FAT4: variants seen among roughly 807,000 people sequenced by gnomAD.
The protein encoded by FAT4 is FAT atypical cadherin 4.
A neutral mutation model predicts 303.9 loss-of-function variants in FAT4; 84 were observed. The ratio of observed to expected loss-of-function variants is 0.28; its 90% confidence interval spans 0.23 to 0.33. The LOEUF is 0.33. FAT4 is among the 10% of genes least tolerant of loss of function. The pLI is 1.00. For synonymous variants in FAT4, 2,307 were observed against 2,298.8 expected, an observed-to-expected ratio of 1.00 and a Z score of -0.10; for missense variants, 6,005 against 6,146.8, an observed-to-expected ratio of 0.98 and a Z score of 0.77.
Position 125,448,950 on chromosome 4 carries a change from G to A in FAT4, c.7940G>A (p.Gly2647Asp). 6.2e-7 allele frequency: 1 copy of A among 1,613,740 alleles called. No homozygotes were observed. Among genetic ancestry groups the A allele is most frequent in the Non-Finnish European group, 8.5e-7 (1 of 1,179,906 alleles). ...YVVWIEARDGGFPPFSSYEKL... is the reference protein window; with the variant it reads ...YVVWIEARDGDFPPFSSYEKL... ...GTATGGATAGAGGCCAGAGACGGTG[G>A]TTTCCCTCCTTTCTCCTCTTACGAG... Residue 2647 changes from glycine to aspartate, a missense_variant, in exon 10 of 18, where the codon GGT (glycine) becomes GAT (aspartate). Gly to Asp is a moderately conservative substitution (Grantham distance 94). Transcript: ENST00000394329.
chr4:125,389,626 C>G (rs1197634386), intron 2 of FAT4, among the ~76,000 whole-genome samples: 6 of 152,106 alleles, frequency 3.9e-5, no homozygotes, highest in Non-Finnish European at 5.9e-5. Flanking sequence ...TCCCATATAG[C>G]TCTGGCCAGT....
At position 125,490,807 on chromosome 4, in the gene FAT4, A is replaced by C; in HGVS notation, c.13991A>C (p.Gln4664Pro). Residue 4664 changes from glutamine to proline, a missense_variant, in exon 18 of 18, where the codon CAA (glutamine) becomes CCA (proline). Gln to Pro is a moderately conservative substitution (Grantham distance 76). Coordinates refer to ENST00000394329, the MANE Select transcript of FAT4 (RefSeq NM_001291303.3). Reference protein sequence around the residue: ...QRHSPLGFARQSPMPLGASSL... With the variant: ...QRHSPLGFARPSPMPLGASSL... Reference sequence around the variant, plus strand: ...CACAGTCCCCTAGGCTTTGCAAGGCAATCCCCCATGCCCTTAGGAGCAAGC... The same window carrying C: ...CACAGTCCCCTAGGCTTTGCAAGGCCATCCCCCATGCCCTTAGGAGCAAGC... 6.2e-7 allele frequency: 1 copy of C among 1,614,132 alleles called. No homozygotes were observed.
At position 125,415,850 on chromosome 4, in the gene FAT4, C is replaced by T. The variant is rs576251661; in HGVS notation, c.6843+44C>T. Reference sequence around the variant, plus strand: ...AGCAAGTATTGTCTTAATTATAAGACATCTATTTGAAAACCTCCCCTCTTC... The same window carrying T: ...AGCAAGTATTGTCTTAATTATAAGATATCTATTTGAAAACCTCCCCTCTTC... On this transcript the variant is annotated intron_variant, in intron 6 of 17. Transcript: ENST00000394329. 41 of 1,442,378 alleles carry T rather than the reference C, an allele frequency of 2.8e-5. No individual in the cohort carries two copies. The Middle Eastern group carries it at 1.3e-3, about 45-fold the overall frequency. 89.3% of individuals were successfully genotyped at this position (1,442,378 alleles called of 1,614,324 possible). A position where few individuals can be genotyped will look rare whatever the true frequency, so the allele number is the denominator to read the frequency against.
chr4:125,395,304 C>T (rs1354272060), intron 2 of FAT4, among the ~76,000 whole-genome samples: 3 of 151,926 alleles, frequency 2.0e-5, no homozygotes. Flanking sequence ...TGAAGTTATT[C>T]ACTTTTCTTT....
rs1179069092 is a variant in FAT4 at position 125,449,544 on chromosome 4, T to C, written c.8534T>C (p.Ile2845Thr). 2.5e-6 allele frequency: 4 copies of C among 1,613,516 alleles called. No individual in the cohort carries two copies. In the South Asian group the frequency reaches 4.4e-5, roughly 18 times the overall value. The change falls in exon 10 of 18, where the codon ATT becomes ACT. Residue 2845 changes from isoleucine to threonine, a missense_variant. Physicochemically the swap from Ile to Thr is moderately conservative, Grantham distance 89 (BLOSUM62 -1). Coordinates refer to ENST00000394329, the MANE Select transcript of FAT4 (RefSeq NM_001291303.3). ...LNREDTDRYR[I>T]RVSAHDSGWT... is the part of the protein sequence containing the mutation. ...AGGGAAGATACAGACCGTTACAGAATTCGAGTTTCCGCACATGATTCTGGG... is the reference window on the plus strand; with the variant it reads ...AGGGAAGATACAGACCGTTACAGAACTCGAGTTTCCGCACATGATTCTGGG...
At chr4:125,341,776 G>A (rs1485739769) in intron 2 of FAT4, among the ~76,000 whole-genome samples, 1 of 151,992 alleles carries the variant, frequency 6.6e-6, no homozygotes, top group Non-Finnish European at 1.5e-5. Context: ...TGAAACATGT[G>A]CCTAGCCATC....
intron 2 of FAT4, among the ~76,000 whole-genome samples, chr4:125,332,765 C>CT (rs1005281403): frequency 1.3e-5 from 2 of 152,074 alleles, no homozygotes; most frequent in African/African-American, 4.8e-5. Context: ...GGAAAACTAT[C>CT]TATCTTTCGA....
intron 2 of FAT4, among the ~76,000 whole-genome samples, chr4:125,351,279 C>A (rs1007649465): frequency 1.3e-5 from 2 of 151,666 alleles, no homozygotes; most frequent in African/African-American, 4.8e-5. Flanking sequence ...AACAATAGAA[C>A]AATTACTGAT....
In FAT4 at chr4:125,468,660, C is replaced by G. The variant is rs1468989337; in HGVS notation, c.12054C>G (p.Asp4018Glu). Residue 4018 changes from aspartate (D) to glutamate (E), a missense_variant, in exon 12 of 18, where the codon GAC becomes GAG. Coordinates refer to ENST00000394329, the MANE Select transcript of FAT4 (RefSeq NM_001291303.3). ...ATGCCTTATTGCTTTACAACTATGA[C>G]AACCAGACAGGCGACCGGGCTGAGT... ...KSHALLLYNY[D>E]NQTGDRAEFL... The G allele has an allele frequency of 1.9e-6, 3 of 1,613,954 alleles. No homozygotes were observed. Among genetic ancestry groups the G allele is most frequent in the Non-Finnish European group, 2.5e-6 (3 of 1,180,016 alleles).
intron 2 of FAT4, among the ~76,000 whole-genome samples, chr4:125,348,762 C>T (rs567740597): frequency 6.6e-6 from 1 of 151,452 alleles, no homozygotes; most frequent in African/African-American, 2.4e-5. Flanking sequence ...GTGATCGAAG[C>T]CGACATCTTT....
intron 16 of FAT4, among the ~76,000 whole-genome samples, chr4:125,485,109 G>A (rs1277521529): frequency 6.6e-6 from 1 of 152,094 alleles, no homozygotes; most frequent in African/African-American, 2.4e-5. Context: ...AAGTTGCTCT[G>A]AGTCAGAGAG....
rs771100438 is a variant in FAT4 at position 125,415,447 on chromosome 4, G to A, written c.6484G>A (p.Glu2162Lys). Residue 2162 changes from glutamate (E) to lysine (K), a missense_variant, in exon 6 of 18, where the codon GAG (glutamate) becomes AAG (lysine). Transcript: ENST00000394329. The part of the protein sequence containing the change: ...PIFAQALYKV[E>K]INENTLTGTD... ...CTTTGCACAAGCTTTGTATAAAGTGGAGATTAATGAAAACACACTTACTGG... is the reference window on the plus strand; with the variant it reads ...CTTTGCACAAGCTTTGTATAAAGTGAAGATTAATGAAAACACACTTACTGG... 6.2e-6 allele frequency: 10 copies of A among 1,614,078 alleles called. No individual in the cohort carries two copies. The highest frequency in any genetic ancestry group is 7.6e-6 in the Non-Finnish European group (9 of 1,179,994).
intron 2 of FAT4, among the ~76,000 whole-genome samples, chr4:125,370,652 T>C (rs1480764843): frequency 6.6e-6 from 1 of 152,144 alleles, no homozygotes; most frequent in Non-Finnish European, 1.5e-5. Context: ...ATTGATAATA[T>C]TCAAATTGTG....
intron 2 of FAT4, among the ~76,000 whole-genome samples, chr4:125,396,217 G>A (rs1428896950): frequency 3.9e-5 from 6 of 152,044 alleles, no homozygotes; most frequent in African/African-American, 1.4e-4. Context: ...TCCAATGGGA[G>A]ATAAAGTTCT....
At chr4:125,475,094 C>T (rs1215518652) in intron 12 of FAT4, among the ~76,000 whole-genome samples, 1 of 152,056 alleles carries the variant, frequency 6.6e-6, no homozygotes, top group Non-Finnish European at 1.5e-5. Flanking sequence ...TGGGAGAAAC[C>T]TTTCAACCTC....
chr4:125,452,361 T>C lies in FAT4; in HGVS notation c.11351T>C (p.Phe3784Ser). The change falls in exon 10 of 18, where the codon TTC (phenylalanine) becomes TCC (serine). Residue 3784 changes from phenylalanine to serine, a missense_variant. Physicochemically the swap from Phe to Ser is radical, Grantham distance 155. Transcript: ENST00000394329. ...QYVNPSGVAT[F>S]FESIKEILLR... ...GTGAATCCCAGTGGCGTAGCCACCT[T>C]CTTTGAAAGCATCAAAGAGATCCTT... is the stretch of plus-strand genomic sequence containing the variant. 6.2e-7 allele frequency: 1 copy of C among 1,614,230 alleles called. No individual in the cohort carries two copies. Among genetic ancestry groups the C allele is most frequent in the Non-Finnish European group, 8.5e-7 (1 of 1,180,038 alleles).
intron 7 of FAT4, among the ~76,000 whole-genome samples, chr4:125,429,939 A>T (rs942457692): frequency 6.6e-6 from 1 of 152,120 alleles, no homozygotes; most frequent in Admixed American, 6.5e-5. Context: ...ACACGGTGGG[A>T]AACAGTAATA....
chr4:125,458,234 A>G (rs890480566), intron 10 of FAT4, among the ~76,000 whole-genome samples: 2 of 152,036 alleles, frequency 1.3e-5, no homozygotes, highest in African/African-American at 4.8e-5. Flanking sequence ...TTCAGGAAAG[A>G]TGAGGTTTGT....
chr4:125,316,043 ACTT>A lies in FAT4; in HGVS notation c.-13+69_-13+71del, dbSNP rs1240410151. On this transcript the variant is annotated intron_variant, in intron 1 of 17. Transcript: ENST00000394329. The surrounding 1 kb of genome is among the most constrained non-coding windows in gnomAD (Gnocchi z 5.7). ...TCCTCATATACCTTAGATACAGGCA[ACTT>A]CTCCCAACTCTCATCCACCCGGGTG... is the stretch of plus-strand genomic sequence containing the variant. 2.0e-5 allele frequency among the ~76,000 whole-genome samples: 3 copies of A among 152,120 alleles called. No homozygotes were observed. The highest frequency in any genetic ancestry group is 6.5e-5 in the Admixed American group (1 of 15,278).
Sources: allele counts gnomAD v4.1 joint callset (sites outside exome capture counted in the v4.1 genomes callset), GRCh38; gene constraint gnomAD v4.1.1; non-coding constraint Gnocchi (gnomAD v3.1); transcripts MANE v1.5; gene names NCBI Gene and HGNC (gene_info 2026-07-23, HGNC 2026-07-21).